Variants in DLG2 observed in about 807,000 individuals in gnomAD.
The protein encoded by DLG2 is discs large MAGUK scaffold protein 2.
A neutral mutation model predicts 132.5 loss-of-function variants in DLG2; 45 were observed. The observed-to-expected ratio is 0.34, with a 90% CI of 0.27 to 0.44. The LOEUF is 0.44. DLG2 is among the 20% of genes least tolerant of loss of function. DLG2 has a pLI of 1.00. For missense variants in DLG2, 1,045 were observed against 1,196.9 expected (o/e 0.87, Z 1.87); for synonymous variants, 424 against 419.6 (o/e 1.01, Z -0.13).
Position 85,611,678 on chromosome 11 carries a change from T to C in DLG2, c.-92-12890A>G, listed in dbSNP as rs148722433. Among the ~76,000 whole-genome samples, 1,340 of 152,338 alleles carry C rather than the reference T, an allele frequency of 8.8e-3. 15 individuals are homozygous for C. Among genetic ancestry groups the C allele is most frequent in the South Asian group, 0.019 (94 of 4,826 alleles). On this transcript the variant is annotated intron_variant, in intron 2 of 27. Coordinates refer to ENST00000376104, the MANE Select transcript of DLG2 (RefSeq NM_001142699.3). Reference sequence around the variant, plus strand: ...AACTGGGAAAGGGAAAAAGAATAAATGTGTATACAGATAGCAGATATGCTT... The same window carrying C: ...AACTGGGAAAGGGAAAAAGAATAAACGTGTATACAGATAGCAGATATGCTT...
chr11:83,460,025 C>T lies in DLG2; in HGVS notation c.2822-101G>A, dbSNP rs979077625. The stretch of plus-strand genomic sequence containing the variant: ...GGAGGCTCAAATCAGTAGCAGATGA[C>T]TCATCAGGAAGCTTCATATCATTTT... On this transcript the variant is annotated intron_variant, in intron 27 of 27. Coordinates refer to ENST00000376104, the MANE Select transcript of DLG2 (RefSeq NM_001142699.3). 8 of 602,070 alleles carry T rather than the reference C, an allele frequency of 1.3e-5. 1 individual carries two copies. The South Asian group carries it at 2.0e-4, about 15-fold the overall frequency. The allele number at this position is 602,070 out of a possible 1,614,324, so 37.3% of individuals were successfully genotyped here. A position where few individuals can be genotyped will look rare whatever the true frequency, so the allele number is the denominator to read the frequency against.
chr11:84,710,706 A>G (rs2060283090), intron 6 of DLG2, among the ~76,000 whole-genome samples: 1 of 151,846 alleles, frequency 6.6e-6, no homozygotes, highest in Non-Finnish European at 1.5e-5. Flanking sequence ...ATCAAACTAA[A>G]TAATTTAAAC....
At chr11:84,236,564 CAT>C (rs1228624948) in intron 8 of DLG2, among the ~76,000 whole-genome samples, 4 of 152,206 alleles carry the variant, frequency 2.6e-5, no homozygotes, top group African/African-American at 9.6e-5. Context: ...TAAATGGTGA[CAT>C]GTGTCAGCAG....
At chr11:85,510,163 GA>G (rs2094026913) in intron 3 of DLG2, 2 of 151,794 alleles carry the variant, frequency 1.3e-5, no homozygotes, top group African/African-American at 4.8e-5. Flanking sequence ...AACAAAGAAA[GA>G]AAAACTAAAA....
chr11:85,338,200 G>C (rs1261624581), intron 3 of DLG2, among the ~76,000 whole-genome samples: 1 of 151,996 alleles, frequency 6.6e-6, no homozygotes, highest in East Asian at 1.9e-4. Flanking sequence ...GTTAACTCTA[G>C]GGAAAAAAGG....
chr11:85,522,005 A>G (rs959232808), intron 3 of DLG2, among the ~76,000 whole-genome samples: 1 of 152,206 alleles, frequency 6.6e-6, no homozygotes, highest in African/African-American at 2.4e-5. Flanking sequence ...AAGGAGCTAA[A>G]TGTCAGTTAC....
At chr11:85,437,580 T>C (rs2091557259) in intron 3 of DLG2, among the ~76,000 whole-genome samples, 1 of 152,070 alleles carries the variant, frequency 6.6e-6, no homozygotes, top group African/African-American at 2.4e-5. Context: ...AAATATACAC[T>C]ACTCAAAAAA....
chr11:85,356,748 A>T (rs959889417), intron 3 of DLG2, among the ~76,000 whole-genome samples: 1 of 151,840 alleles, frequency 6.6e-6, no homozygotes, highest in African/African-American at 2.4e-5. Context: ...TGTTTACTAC[A>T]GCATGCCCAG....
chr11:83,883,649 G>A (rs1402848990), intron 15 of DLG2, among the ~76,000 whole-genome samples: 7 of 152,110 alleles, frequency 4.6e-5, no homozygotes, highest in African/African-American at 7.2e-5. Flanking sequence ...GAAACACCAG[G>A]AGCAAAATAT....
At chr11:85,484,211 C>A (rs1376243527) in intron 3 of DLG2, among the ~76,000 whole-genome samples, 1 of 148,888 alleles carries the variant, frequency 6.7e-6, no homozygotes, top group Non-Finnish European at 1.5e-5. Context: ...CCCGTTCCTC[C>A]CGACCCCTCC....
chr11:83,678,275 C>G (rs907913692), intron 18 of DLG2, among the ~76,000 whole-genome samples: 1 of 152,098 alleles, frequency 6.6e-6, no homozygotes, highest in Non-Finnish European at 1.5e-5. Flanking sequence ...AGACAAAAGC[C>G]CCACAAAACC....
chr11:84,246,235 T>C (rs747010737), intron 8 of DLG2, among the ~76,000 whole-genome samples: 2 of 152,256 alleles, frequency 1.3e-5, no homozygotes, highest in African/African-American at 2.4e-5. Context: ...AATTCATAAG[T>C]TGCAAATTGC....
At chr11:84,962,979 G>A (rs1002506363) in intron 6 of DLG2, among the ~76,000 whole-genome samples, 1 of 152,126 alleles carries the variant, frequency 6.6e-6, no homozygotes, top group African/African-American at 2.4e-5. Flanking sequence ...AGTAGTTAGA[G>A]AGACTCATTA....
chr11:84,019,592 G>A (rs11233880), intron 11 of DLG2, among the ~76,000 whole-genome samples: 3,139 of 152,224 alleles, frequency 0.021, 53 homozygotes, highest in Non-Finnish European at 0.036. Context: ...TTTAGAAATA[G>A]GGTGTTTGAA....
intron 21 of DLG2, among the ~76,000 whole-genome samples, chr11:83,489,464 TCAAA>T (rs1404159414): frequency 6.6e-6 from 1 of 152,060 alleles, no homozygotes; most frequent in East Asian, 1.9e-4. Context: ...TGATCTTGAT[TCAAA>T]CAAACAAATT....
At chr11:84,916,085 C>A (rs1293352329) in intron 6 of DLG2, among the ~76,000 whole-genome samples, 1 of 152,014 alleles carries the variant, frequency 6.6e-6, no homozygotes, top group Non-Finnish European at 1.5e-5. Context: ...GTGGCTCACG[C>A]CTGTAATCCC....
chr11:85,409,423 A>C (rs745488873), intron 3 of DLG2, among the ~76,000 whole-genome samples: 7 of 151,928 alleles, frequency 4.6e-5, no homozygotes, highest in Non-Finnish European at 8.8e-5. Context: ...AAATGTCTAC[A>C]TCAGGGTAAT....
rs76258279 is a variant in DLG2 at position 85,441,480 on chromosome 11, T to C, written c.41-156115A>G. On this transcript the variant is annotated intron_variant, in intron 3 of 27. Coordinates refer to ENST00000376104, the MANE Select transcript of DLG2 (RefSeq NM_001142699.3). ...ATTTTGTTAAGGTCCTGATTATCTT[T>C]CAACTGATCACTGTAATACTCTCCA... Among the ~76,000 whole-genome samples, 1,444 of 152,322 alleles carry C rather than the reference T, an allele frequency of 9.5e-3. 22 individuals carry two copies. Among genetic ancestry groups the C allele is most frequent in the African/African-American group, 0.031 (1,292 of 41,576 alleles).
At chr11:83,830,034 A>C (rs2054027424) in intron 17 of DLG2, among the ~76,000 whole-genome samples, 1 of 152,146 alleles carries the variant, frequency 6.6e-6, no homozygotes, top group Non-Finnish European at 1.5e-5. Context: ...GCTGAGAATG[A>C]TGGTTTCCAG....
Sources: allele counts gnomAD v4.1 joint callset (sites outside exome capture counted in the v4.1 genomes callset), GRCh38; gene constraint gnomAD v4.1.1; transcripts MANE v1.5; gene names NCBI Gene and HGNC (gene_info 2026-07-23, HGNC 2026-07-21).